The following NKAPD1 variants were observed in gnomAD, a reference collection of about 807,000 sequenced individuals.
The protein encoded by NKAPD1 is NKAP domain containing 1.
NKAPD1 carries 12 observed loss-of-function variants against 30.9 expected under a neutral mutation model. The observed-to-expected ratio is 0.39, with a 90% CI of 0.25 to 0.63. The LOEUF (loss-of-function observed/expected upper bound fraction) is 0.63, where lower values mean the gene tolerates loss of function less well. NKAPD1 is among the 20% of genes least tolerant of loss of function. The pLI is 0.51. For synonymous variants in NKAPD1, 91 were observed against 113.6 expected, an observed-to-expected ratio of 0.80 and a Z score of 1.26; for missense variants, 311 against 344.5, an observed-to-expected ratio of 0.90 and a Z score of 0.77.
chr11:112,081,549 C>T (rs1445429519), intron 4 of NKAPD1: 1 of 158,968 alleles, frequency 6.3e-6, no homozygotes, highest in Non-Finnish European at 1.3e-5. Flanking sequence ...AGGAGAATCA[C>T]TTGAAATCGG....
At position 112,083,134 on chromosome 11, in the gene NKAPD1, C is replaced by T; in HGVS notation, c.*162C>T. 1.6e-6 allele frequency: 1 copy of T among 619,560 alleles called. No individual in the cohort carries two copies. Among genetic ancestry groups the T allele is most frequent in the Non-Finnish European group, 2.5e-6 (1 of 396,862 alleles). 38.4% of individuals were successfully genotyped at this position (619,560 alleles called of 1,614,324 possible). ...TCTTGTCTTCTATTTTGGCGTTAAG[C>T]TTGATCCCCTTTTCTTGTTAAAAGG... On this transcript the variant is annotated 3_prime_UTR_variant, in exon 6 of 6. Transcript: ENST00000393047.
chr11:112,082,306 C>G lies in NKAPD1; in HGVS notation c.375-159C>G, dbSNP rs1471227009. 1.7e-5 allele frequency: 13 copies of G among 753,996 alleles called. 1 individual carries two copies. In the Middle Eastern group the frequency reaches 2.0e-3, roughly 113 times the overall value. The allele number at this position is 753,996 out of a possible 1,614,324, so 46.7% of individuals were successfully genotyped here. A position where few individuals can be genotyped will look rare whatever the true frequency, so the allele number is the denominator to read the frequency against. On this transcript the variant is annotated intron_variant, in intron 5 of 5. Coordinates refer to ENST00000393047, the MANE Select transcript of NKAPD1 (RefSeq NM_018195.4). The stretch of plus-strand genomic sequence containing the variant: ...TACCTTCATTTTAAAGATGAGGAAA[C>G]AAAAACTCAATGAGAATATTAAAGT...
At chr11:112,081,759 G>A (rs1262174922) in intron 4 of NKAPD1, 4 of 481,270 alleles carry the variant, frequency 8.3e-6, no homozygotes, top group Non-Finnish European at 1.5e-5. Flanking sequence ...GCAATGGCAA[G>A]TTCTCTTACA....
Position 112,083,241 on chromosome 11 carries a change from A to G in NKAPD1, c.*269A>G. ...ATTACGTTTAGTGTAGAGTGCATAT[A>G]CAGCAAATTAAAGGACCCAGAAAGC... On this transcript the variant is annotated 3_prime_UTR_variant, in exon 6 of 6. Transcript: ENST00000393047. The G allele has an allele frequency of 3.7e-6, 1 of 268,864 alleles. No individual in the cohort carries two copies. The highest frequency in any genetic ancestry group is 7.0e-6 in the Non-Finnish European group (1 of 142,624). 16.7% of individuals were successfully genotyped at this position (268,864 alleles called of 1,614,324 possible).
rs149661138 is a variant in NKAPD1, at chr11:112,082,711, G to T, written c.621G>T (p.Lys207Asn). 5.6e-6 allele frequency: 9 copies of T among 1,613,860 alleles called. No individual in the cohort carries two copies. In the African/African-American group the frequency reaches 1.1e-4, roughly 19 times the overall value. ...TRKGKQPHKRKKKSRKKSLKK... is the reference protein window; with the variant it reads ...TRKGKQPHKRNKKSRKKSLKK... ...AAGGGAAACAACCACATAAACGCAA[G>T]AAAAAATCCAGGAAAAAGTCTCTCA... The change falls in exon 6 of 6, where the codon AAG becomes AAT. Residue 207 changes from lysine to asparagine, a missense_variant. Lys to Asn is a moderately conservative substitution (Grantham distance 94). Coordinates refer to ENST00000393047, the MANE Select transcript of NKAPD1 (RefSeq NM_018195.4).
Position 112,084,677 on chromosome 11 carries a change from A to T in NKAPD1, c.*1705A>T, listed in dbSNP as rs1436503826. 6.6e-6 allele frequency: 1 copy of T among 152,612 alleles called. No individual in the cohort carries two copies. Among genetic ancestry groups the T allele is most frequent in the Non-Finnish European group, 1.5e-5 (1 of 68,046 alleles). 9.5% of individuals were successfully genotyped at this position (152,612 alleles called of 1,614,324 possible). On this transcript the variant is annotated 3_prime_UTR_variant, in exon 6 of 6. Coordinates refer to ENST00000393047, the MANE Select transcript of NKAPD1 (RefSeq NM_018195.4). ...AAAGTACCTGAAAGGTTTTAAGCAC[A>T]GACTCAGGAAAATGTGCCAGTAGAA...
Position 112,082,490 on chromosome 11 carries a change from G to A in NKAPD1, c.400G>A (p.Gly134Arg), listed in dbSNP as rs529926370. 8.8e-6 allele frequency: 14 copies of A among 1,582,470 alleles called. No homozygotes were observed. Among genetic ancestry groups the A allele is most frequent in the Admixed American group, 3.9e-5 (2 of 51,294 alleles). Reference sequence around the variant, plus strand: ...TAGTGATCAGCAAGATATTACCAACGGGAAGAAAACATCTCCCCAGGTAAA... The same window carrying A: ...TAGTGATCAGCAAGATATTACCAACAGGAAGAAAACATCTCCCCAGGTAAA... ...DSSDQQDITN[G>R]KKTSPQVKSS... Residue 134 changes from glycine (G) to arginine (R), a missense_variant, in exon 6 of 6, where the codon GGG (glycine) becomes AGG (arginine). Gly to Arg is a moderately radical substitution (Grantham distance 125). Transcript: ENST00000393047.
Position 112,083,243 on chromosome 11 carries a change from A to T in NKAPD1, c.*271A>T. On this transcript the variant is annotated 3_prime_UTR_variant, in exon 6 of 6. Transcript: ENST00000393047. ...TACGTTTAGTGTAGAGTGCATATACAGCAAATTAAAGGACCCAGAAAGCTG... is the reference window on the plus strand; with the variant it reads ...TACGTTTAGTGTAGAGTGCATATACTGCAAATTAAAGGACCCAGAAAGCTG... The T allele has an allele frequency of 3.8e-6, 1 of 261,356 alleles. No individual in the cohort carries two copies. Among genetic ancestry groups the T allele is most frequent in the Middle Eastern group, 1.2e-3 (1 of 806 alleles). The allele number at this position is 261,356 out of a possible 1,614,324, so 16.2% of individuals were successfully genotyped here.
chr11:112,077,879 T>TCG, intron 2 of NKAPD1, among the ~76,000 whole-genome samples: 1 of 151,210 alleles, frequency 6.6e-6, no homozygotes. Context: ...AGAGTCTCAC[T>TCG]CCATCGCCCA....
At chr11:112,076,680 A>G (rs1342676930) in intron 2 of NKAPD1, among the ~76,000 whole-genome samples, 4 of 152,222 alleles carry the variant, frequency 2.6e-5, no homozygotes, top group Non-Finnish European at 4.4e-5. Context: ...AATCACATTG[A>G]GTAGGCTGAG....
At chr11:112,082,239 T>A in intron 5 of NKAPD1, 1 of 688,146 alleles carries the variant, frequency 1.5e-6, no homozygotes, top group Non-Finnish European at 2.4e-6. Flanking sequence ...TTTTTATATA[T>A]AGTATTCCAT....
At chr11:112,082,192 C>A (rs1367204635) in intron 5 of NKAPD1, 157 bp downstream of exon 5, 4 of 738,908 alleles carry the variant, frequency 5.4e-6, no homozygotes, top group Non-Finnish European at 6.5e-6. Flanking sequence ...TTTTCCCATT[C>A]TCTGGTTGAT....
rs1865269053 is a variant in NKAPD1, at chr11:112,074,601, T to G, written c.-324T>G. On this transcript the variant is annotated 5_prime_UTR_variant, in exon 1 of 6. Coordinates refer to ENST00000393047, the MANE Select transcript of NKAPD1 (RefSeq NM_018195.4). ...GGGGAGTGAAACTTACCCCCGGGGTTCGTCCTAGAGGAGCGTGAGCGGGGA... is the reference window on the plus strand; with the variant it reads ...GGGGAGTGAAACTTACCCCCGGGGTGCGTCCTAGAGGAGCGTGAGCGGGGA... The G allele has an allele frequency of 1.0e-5, 4 of 397,994 alleles. No homozygotes were observed. The highest frequency in any genetic ancestry group is 6.2e-4 in the Middle Eastern group (1 of 1,614). 24.7% of individuals were successfully genotyped at this position (397,994 alleles called of 1,614,324 possible). A position where few individuals can be genotyped will look rare whatever the true frequency, so the allele number is the denominator to read the frequency against.
intron 3 of NKAPD1, 53 bp from the exon 4 acceptor site, chr11:112,080,356 G>C: frequency 1.3e-6 from 2 of 1,560,102 alleles, no homozygotes; most frequent in Non-Finnish European, 1.7e-6. Context: ...GTTCCATAAA[G>C]TAAACTCACA....
chr11:112,079,344 C>T (rs1278910632), intron 3 of NKAPD1, among the ~76,000 whole-genome samples: 3 of 152,014 alleles, frequency 2.0e-5, no homozygotes, highest in Non-Finnish European at 4.4e-5. Flanking sequence ...CAGGGTTTCA[C>T]CATGTTGGCC....
At position 112,074,592 on chromosome 11, in the gene NKAPD1, C is replaced by G. The variant is rs529012116; in HGVS notation, c.-333C>G. On this transcript the variant is annotated 5_prime_UTR_variant, in exon 1 of 6. Transcript: ENST00000393047. ...AGCCTTTCTGGGGAGTGAAACTTAC[C>G]CCCGGGGTTCGTCCTAGAGGAGCGT... The G allele has an allele frequency of 2.5e-6, 1 of 398,236 alleles. No individual in the cohort carries two copies. The highest frequency in any genetic ancestry group is 1.3e-4 in the South Asian group (1 of 7,674). The allele number at this position is 398,236 out of a possible 1,614,324, so 24.7% of individuals were successfully genotyped here.
intron 4 of NKAPD1, 25 bp downstream of exon 4, chr11:112,080,583 T>A: frequency 1.2e-6 from 2 of 1,608,918 alleles, no homozygotes; most frequent in Non-Finnish European, 1.7e-6. Flanking sequence ...CCTGTGAGCA[T>A]TAATATTTGG....
intron 2 of NKAPD1, among the ~76,000 whole-genome samples, chr11:112,076,539 A>G (rs1262704507): frequency 1.3e-5 from 2 of 152,230 alleles, no homozygotes; most frequent in Non-Finnish European, 2.9e-5. Flanking sequence ...GTAAGTGCCA[A>G]TAGCCTACTA....
chr11:112,074,303 T>C lies in NKAPD1; in HGVS notation c.-622T>C. ...GCCTGAAAAGGAAGTCTCCTCCTTT[T>C]TCTCCCAAACCACTTCTTCCCCCCT... On this transcript the variant is annotated 5_prime_UTR_variant, in exon 1 of 6. Coordinates refer to ENST00000393047, the MANE Select transcript of NKAPD1 (RefSeq NM_018195.4). 1 of 399,116 alleles carries C rather than the reference T, an allele frequency of 2.5e-6. No homozygotes were observed. The highest frequency in any genetic ancestry group is 4.4e-6 in the Non-Finnish European group (1 of 226,228). The allele number at this position is 399,116 out of a possible 1,614,324, so 24.7% of individuals were successfully genotyped here.
Sources: allele counts gnomAD v4.1 joint callset (sites outside exome capture counted in the v4.1 genomes callset), GRCh38; gene constraint gnomAD v4.1.1; transcripts MANE v1.5; gene names NCBI Gene and HGNC (gene_info 2026-07-23, HGNC 2026-07-21).